Variants in EXOC4 observed in about 807,000 individuals in gnomAD.
The protein encoded by EXOC4 is exocyst complex component 4, also known as SEC8-like 1.
Under a neutral mutation model 107.2 loss-of-function variants are expected in EXOC4, and 71 were observed. The observed-to-expected ratio is 0.66, with a 90% CI of 0.55 to 0.81. EXOC4 has a LOEUF of 0.81. Ranked by LOEUF, EXOC4 falls within the 30% of genes least tolerant of loss-of-function variation. The probability of loss-of-function intolerance (pLI) is 0.00; values close to 1 mark genes in which losing one functional copy is unlikely to be tolerated. For synonymous variants in EXOC4, 456 were observed against 441.2 expected, an observed-to-expected ratio of 1.03 and a Z score of -0.42; for missense variants, 1,108 against 1,189.6, an observed-to-expected ratio of 0.93 and a Z score of 1.01.
chr7:133,328,483 G>A (rs1034261846), intron 5 of EXOC4, among the ~76,000 whole-genome samples: 2 of 152,112 alleles, frequency 1.3e-5, no homozygotes, highest in African/African-American at 2.4e-5. Context: ...ATGCTAGTTG[G>A]TTATTTTGCC....
Position 133,972,359 on chromosome 7 carries a change from C to T in EXOC4, c.2207-25133C>T, listed in dbSNP as rs1801262991. Among the ~76,000 whole-genome samples, 3 of 152,074 alleles carry T rather than the reference C, an allele frequency of 2.0e-5. No individual in the cohort carries two copies. In the South Asian group the frequency reaches 6.2e-4, roughly 31 times the overall value. ...TTATGATTTCTACTTTCTCATGTGA[C>T]AGAAAAATTTTTACCAATCCGTCAT... is the stretch of plus-strand genomic sequence containing the variant. On this transcript the variant is annotated intron_variant, in intron 14 of 17. Transcript: ENST00000253861.
intron 11 of EXOC4, among the ~76,000 whole-genome samples, chr7:133,818,912 C>G (rs571704473): frequency 3.3e-5 from 5 of 152,184 alleles, no homozygotes; most frequent in Admixed American, 3.3e-4. Context: ...TCATGGAGGC[C>G]CCCTTGCCAG....
At chr7:133,773,225 C>T (rs759856455) in intron 10 of EXOC4, among the ~76,000 whole-genome samples, 2 of 151,904 alleles carry the variant, frequency 1.3e-5, no homozygotes, top group Non-Finnish European at 2.9e-5. Context: ...CCCACTCAAG[C>T]CATGTGCTGA....
chr7:133,887,410 AAAAAG>A (rs1799109784), intron 11 of EXOC4, among the ~76,000 whole-genome samples: 1 of 152,186 alleles, frequency 6.6e-6, no homozygotes, highest in African/African-American at 2.4e-5. Flanking sequence ...GGAGATGGAC[AAAAAG>A]AAAAGAGGAA....
intron 7 of EXOC4, among the ~76,000 whole-genome samples, chr7:133,439,118 G>A (rs983748710): frequency 2.0e-5 from 3 of 147,984 alleles, no homozygotes; most frequent in Admixed American, 6.7e-5. Context: ...TTGAACCTCG[G>A]TTTTGGTTTC....
chr7:133,760,525 C>G (rs1219337714), intron 10 of EXOC4, among the ~76,000 whole-genome samples: 2 of 152,098 alleles, frequency 1.3e-5, no homozygotes, highest in Admixed American at 1.3e-4. Flanking sequence ...GATCTCTACT[C>G]ATCATCTCTA....
At chr7:133,637,339 T>C (rs576664535) in intron 10 of EXOC4, among the ~76,000 whole-genome samples, 34 of 152,326 alleles carry the variant, frequency 2.2e-4, no homozygotes, top group Non-Finnish European at 4.1e-4. Flanking sequence ...TTCCCTAATA[T>C]TTTTATCTTT....
chr7:133,562,027 G>C (rs186858956), intron 9 of EXOC4, among the ~76,000 whole-genome samples: 17 of 152,308 alleles, frequency 1.1e-4, no homozygotes, highest in African/African-American at 3.8e-4. Context: ...TGATGTTTTT[G>C]CAACCAGAAA....
At chr7:133,722,861 A>G (rs1452555887) in intron 10 of EXOC4, among the ~76,000 whole-genome samples, 1 of 152,200 alleles carries the variant, frequency 6.6e-6, no homozygotes, top group African/African-American at 2.4e-5. Flanking sequence ...GATTATTGCC[A>G]TGTGGATGTA....
At chr7:133,646,028 A>T (rs1464332347) in intron 10 of EXOC4, among the ~76,000 whole-genome samples, 1 of 142,716 alleles carries the variant, frequency 7.0e-6, no homozygotes, top group Non-Finnish European at 1.5e-5. Context: ...CAGCACACGA[A>T]GCTTCTCCTC....
At chr7:133,755,780 A>G (rs1190957877) in intron 10 of EXOC4, among the ~76,000 whole-genome samples, 1 of 152,014 alleles carries the variant, frequency 6.6e-6, no homozygotes, top group East Asian at 1.9e-4. Context: ...GTGCTCAACC[A>G]CCCTGAGCCT....
intron 11 of EXOC4, among the ~76,000 whole-genome samples, chr7:133,835,332 G>T (rs185601286): frequency 1.4e-4 from 22 of 152,230 alleles, no homozygotes; most frequent in Non-Finnish European, 2.6e-4. Context: ...CAAGGTGGTC[G>T]GGGTGCAGCC....
chr7:133,413,428 A>G (rs1204517386), intron 7 of EXOC4, among the ~76,000 whole-genome samples: 1 of 152,152 alleles, frequency 6.6e-6, no homozygotes, highest in Non-Finnish European at 1.5e-5. Flanking sequence ...CTGTTGCTAT[A>G]GATGGTCTTT....
chr7:133,904,412 C>T (rs936913475), intron 12 of EXOC4, among the ~76,000 whole-genome samples: 6 of 152,120 alleles, frequency 3.9e-5, no homozygotes, highest in African/African-American at 1.4e-4. Context: ...CATATTTTAC[C>T]GCTTTGTCCA....
intron 7 of EXOC4, among the ~76,000 whole-genome samples, chr7:133,428,069 T>G (rs1797768129): frequency 6.6e-6 from 1 of 152,238 alleles, no homozygotes; most frequent in Non-Finnish European, 1.5e-5. Flanking sequence ...GTAAAAGTGC[T>G]CCAGCCTAAT....
At position 133,514,295 on chromosome 7, in the gene EXOC4, G is replaced by T. The variant is rs570675352; in HGVS notation, c.1417+34157G>T. Among the ~76,000 whole-genome samples, 6 of 152,098 alleles carry T rather than the reference G, an allele frequency of 3.9e-5. No homozygotes were observed. In the East Asian group the frequency reaches 1.2e-3, roughly 29 times the overall value. ...TTCTCTTCCCTCAGCCTCCTGAGTA[G>T]CTGGGACTACAGGCGCATGCCACCG... On this transcript the variant is annotated intron_variant, in intron 9 of 17. Transcript: ENST00000253861.
intron 17 of EXOC4, chr7:134,008,059 T>C (rs897786571): frequency 1.1e-5 from 5 of 454,982 alleles, no homozygotes; most frequent in Non-Finnish European, 1.5e-5. Flanking sequence ...ACCCAAGTTC[T>C]TCTTAACTAC....
chr7:134,100,077 T>A, the EXOC4 span, among the ~76,000 whole-genome samples: 3 of 151,898 alleles, frequency 2.0e-5, no homozygotes, highest in Non-Finnish European at 1.5e-5. Flanking sequence ...CCATGTCACA[T>A]AAAACTTAAA....
intron 10 of EXOC4, among the ~76,000 whole-genome samples, chr7:133,732,331 G>T (rs1031255552): frequency 6.6e-6 from 1 of 152,130 alleles, no homozygotes; most frequent in Non-Finnish European, 1.5e-5. Context: ...CTAAGCATGC[G>T]GGGCTTAATA....
Sources: gnomAD v4.1 joint callset for allele counts (sites outside exome capture counted in the v4.1 genomes callset) on GRCh38, gnomAD v4.1.1 for gene constraint, MANE v1.5 for transcripts, NCBI Gene and HGNC (gene_info 2026-07-23, HGNC 2026-07-21) for gene names.